The following CDH12 variants were observed in gnomAD, a reference collection of about 807,000 sequenced individuals.
The protein encoded by CDH12 is cadherin-12.
CDH12 carries 41 observed loss-of-function variants against 74.1 expected under a neutral mutation model. The ratio of observed to expected loss-of-function variants is 0.55; its 90% CI spans 0.43 to 0.72. CDH12 has a LOEUF of 0.72. Among genes scored for constraint, CDH12 ranks in the 30% least tolerant of loss-of-function variants. The pLI, the probability that CDH12 is intolerant of heterozygous loss-of-function variation, is 0.00. For missense variants in CDH12, 945 were observed against 977.2 expected (o/e 0.97, Z 0.44); for synonymous variants, 399 against 355.0 (o/e 1.12, Z -1.39).
At chr5:21,787,445 C>T (rs1746257675) in intron 10 of CDH12, among the ~76,000 whole-genome samples, 1 of 152,050 alleles carries the variant, frequency 6.6e-6, no homozygotes, top group African/African-American at 2.4e-5. Context: ...ATATTTTTAA[C>T]TAAGGCATGT....
At chr5:22,586,100 A>G (rs1047389072) in intron 1 of CDH12, among the ~76,000 whole-genome samples, 1 of 152,200 alleles carries the variant, frequency 6.6e-6, no homozygotes, top group African/African-American at 2.4e-5. Flanking sequence ...CAAATGTCCA[A>G]CAATGATAGA....
At chr5:22,366,624 C>T (rs904045217) in intron 3 of CDH12, among the ~76,000 whole-genome samples, 1 of 152,068 alleles carries the variant, frequency 6.6e-6, no homozygotes. Flanking sequence ...TTTGTTCATA[C>T]TTTTTCATAA....
intron 7 of CDH12, among the ~76,000 whole-genome samples, chr5:21,849,980 G>T (rs963021695): frequency 6.6e-6 from 1 of 151,578 alleles, no homozygotes; most frequent in East Asian, 1.9e-4. Context: ...CCTTAAAAAA[G>T]GAGATCCTGC....
chr5:22,492,310 C>A (rs554516439), intron 2 of CDH12, among the ~76,000 whole-genome samples: 3 of 151,426 alleles, frequency 2.0e-5, no homozygotes, highest in Middle Eastern at 6.8e-3. Context: ...TCTTTCTAGA[C>A]AAATACCACA....
intron 3 of CDH12, among the ~76,000 whole-genome samples, chr5:22,368,285 T>A (rs1003173906): frequency 6.6e-6 from 1 of 152,124 alleles, no homozygotes; most frequent in Admixed American, 6.5e-5. Context: ...AATATTTTTA[T>A]TGATTTTAAT....
chr5:22,438,494 A>G (rs1484845636), intron 2 of CDH12, among the ~76,000 whole-genome samples: 2 of 152,082 alleles, frequency 1.3e-5, no homozygotes, highest in Admixed American at 6.6e-5. Flanking sequence ...AATCTAAAAC[A>G]CAGCCCAGAA....
rs545326211 is a variant in CDH12, at chr5:21,935,824, A to G, written c.526+39267T>C. On this transcript the variant is annotated intron_variant, in intron 6 of 14. Coordinates refer to ENST00000382254, the MANE Select transcript of CDH12 (RefSeq NM_004061.5). ...AACTGTTTTAAGCCTTAGCTCCCAC[A>G]AATAAGTGAGAGCATCCGAAGTTTG... Among the ~76,000 whole-genome samples, 31 of 152,298 alleles carry G rather than the reference A, an allele frequency of 2.0e-4. No individual in the cohort carries two copies. In the East Asian group the frequency reaches 5.8e-3, roughly 28 times the overall value.
chr5:21,950,879 C>T (rs559186566), intron 6 of CDH12, among the ~76,000 whole-genome samples: 5 of 150,996 alleles, frequency 3.3e-5, no homozygotes, highest in Admixed American at 3.3e-4. Flanking sequence ...CTCCACCTCC[C>T]AGGTTCATGC....
At chr5:22,516,592 C>A (rs190023308) in intron 1 of CDH12, among the ~76,000 whole-genome samples, 1 of 151,796 alleles carries the variant, frequency 6.6e-6, no homozygotes, top group Non-Finnish European at 1.5e-5. Context: ...TCCAGGAGTT[C>A]GAGACCAGCC....
intron 3 of CDH12, among the ~76,000 whole-genome samples, chr5:22,250,917 A>G (rs1473052988): frequency 6.6e-6 from 1 of 152,328 alleles, no homozygotes; most frequent in Non-Finnish European, 1.5e-5. Context: ...TTCAGCAAAG[A>G]AGAAATGACC....
chr5:22,243,126 A>G (rs977931275), intron 3 of CDH12, among the ~76,000 whole-genome samples: 1 of 152,180 alleles, frequency 6.6e-6, no homozygotes, highest in African/African-American at 2.4e-5. Context: ...CAGTATACTC[A>G]TAAGAGTATT....
At chr5:21,952,401 A>G (rs1357362520) in intron 6 of CDH12, among the ~76,000 whole-genome samples, 3 of 152,196 alleles carry the variant, frequency 2.0e-5, no homozygotes, top group African/African-American at 7.2e-5. Context: ...AGGATGTGAG[A>G]CTGATATAAA....
rs183154494 is a variant in CDH12, at chr5:22,076,240, T to C, written c.231+2206A>G. On this transcript the variant is annotated intron_variant, in intron 5 of 14. Transcript: ENST00000382254. ...TTTAATTACATTTATAAATACTAGTTCCTCTTTTAAATAAACTGGATGAAT... is the reference window on the plus strand; with the variant it reads ...TTTAATTACATTTATAAATACTAGTCCCTCTTTTAAATAAACTGGATGAAT... Among the ~76,000 whole-genome samples the C allele has an allele frequency of 3.1e-3, 473 of 152,196 alleles. 2 individuals carry two copies. The highest frequency in any genetic ancestry group is 5.0e-3 in the Non-Finnish European group (342 of 68,012).
chr5:21,895,364 A>G (rs1387164765), intron 6 of CDH12, among the ~76,000 whole-genome samples: 1 of 152,212 alleles, frequency 6.6e-6, no homozygotes, highest in Non-Finnish European at 1.5e-5. Flanking sequence ...AACAAAACTG[A>G]GTAGGCCGGC....
intron 6 of CDH12, among the ~76,000 whole-genome samples, chr5:21,895,941 T>C (rs1219765854): frequency 1.3e-5 from 2 of 152,172 alleles, no homozygotes; most frequent in African/African-American, 4.8e-5. Flanking sequence ...GGCTCTTGGC[T>C]GCAACCCAAG....
At chr5:22,574,621 T>G (rs1165284213) in intron 1 of CDH12, among the ~76,000 whole-genome samples, 1 of 152,132 alleles carries the variant, frequency 6.6e-6, no homozygotes, top group Admixed American at 6.5e-5. Context: ...AAGATGGATT[T>G]CTATTATATG....
chr5:22,575,803 G>T (rs578058480), intron 1 of CDH12, among the ~76,000 whole-genome samples: 2 of 152,056 alleles, frequency 1.3e-5, no homozygotes, highest in Admixed American at 6.6e-5. Context: ...GACCTCAAGC[G>T]ATCCGCCTGC....
intron 4 of CDH12, among the ~76,000 whole-genome samples, chr5:22,192,934 A>G (rs1750390609): frequency 6.6e-6 from 1 of 152,240 alleles, no homozygotes; most frequent in Non-Finnish European, 1.5e-5. Flanking sequence ...GAAGGCCTGT[A>G]CTTAAAAGAG....
intron 1 of CDH12, among the ~76,000 whole-genome samples, chr5:22,756,098 G>GAAAAAAAAAAAAA (rs60067455): frequency 2.7e-3 from 234 of 87,042 alleles, no homozygotes; most frequent in Middle Eastern, 6.5e-3. Flanking sequence ...TTCAAGGACC[G>GAAAAAAAAAAAAA]AAAAAAAAAA....
Sources: gnomAD v4.1 joint callset for allele counts (sites outside exome capture counted in the v4.1 genomes callset) on GRCh38, gnomAD v4.1.1 for gene constraint, MANE v1.5 for transcripts, NCBI Gene and HGNC (gene_info 2026-07-23, HGNC 2026-07-21) for gene names.